Variants in HS3ST2 observed in about 807,000 individuals in gnomAD.
HS3ST2 encodes heparan sulfate-glucosamine 3-sulfotransferase 2.
A neutral mutation model predicts 26.3 loss-of-function variants in HS3ST2; 17 were observed. That is an observed-to-expected ratio of 0.65 (90% CI 0.44 to 0.97). HS3ST2 has a LOEUF of 0.97. HS3ST2 is among the 50% of genes least tolerant of loss of function. The pLI, the probability that HS3ST2 is intolerant of heterozygous loss-of-function variation, is 0.00. For synonymous variants in HS3ST2, 237 were observed against 219.2 expected (o/e 1.08, Z -0.72); for missense variants, 402 against 501.2 (o/e 0.80, Z 1.89).
chr16:22,913,184 G>GAGGGAGGGAGGGAGGGAGGGAGGA (rs1567503054), intron 1 of HS3ST2, among the ~76,000 whole-genome samples: 1 of 113,550 alleles, frequency 8.8e-6, no homozygotes, highest in African/African-American at 3.5e-5. Context: ...GGGAGGGAGG[G>GAGGGAGGGAGGGAGGGAGGGAGGA]CGGAAGGAAG....
rs910163156 is a variant in HS3ST2, at chr16:22,821,000, C to T, written c.485+5905C>T. Among the ~76,000 whole-genome samples, 5 of 152,198 alleles carry T rather than the reference C, an allele frequency of 3.3e-5. No homozygotes were observed. The South Asian group carries it at 8.3e-4, about 25-fold the overall frequency. Reference sequence around the variant, plus strand: ...GGGAGACCTGGCTTCCCCAGCCTAACCTGGACTCTCTGGACCTTCCAAAGA... The same window carrying T: ...GGGAGACCTGGCTTCCCCAGCCTAATCTGGACTCTCTGGACCTTCCAAAGA... On this transcript the variant is annotated intron_variant, in intron 1 of 1. Coordinates refer to ENST00000261374, the MANE Select transcript of HS3ST2 (RefSeq NM_006043.2).
intron 1 of HS3ST2, among the ~76,000 whole-genome samples, chr16:22,896,745 A>C (rs1902216277): frequency 6.6e-6 from 1 of 151,916 alleles, no homozygotes; most frequent in South Asian, 2.1e-4. Flanking sequence ...CTGTGTTTTC[A>C]TGTCATCTTA....
rs1014016666 is a variant in HS3ST2, at chr16:22,843,156, A to G, written c.485+28061A>G. Reference sequence around the variant, plus strand: ...AAGAACTCTGTGACTAGATGTATGTATGTGTGTGTGTGTGTGTGTGAACAC... The same window carrying G: ...AAGAACTCTGTGACTAGATGTATGTGTGTGTGTGTGTGTGTGTGTGAACAC... On this transcript the variant is annotated intron_variant, in intron 1 of 1. Coordinates refer to ENST00000261374, the MANE Select transcript of HS3ST2 (RefSeq NM_006043.2). Among the ~76,000 whole-genome samples, 760 of 150,124 alleles carry G rather than the reference A, an allele frequency of 5.1e-3. 13 individuals carry two copies. Among genetic ancestry groups the G allele is most frequent in the African/African-American group, 0.018 (720 of 40,960 alleles).
intron 1 of HS3ST2, 122 bp downstream of exon 1, chr16:22,815,217 C>A: frequency 1.5e-6 from 2 of 1,299,528 alleles, no homozygotes. Context: ...CAGGCTGACA[C>A]ACAGGGCCAT....
At chr16:22,880,452 TG>T (rs1281816844) in intron 1 of HS3ST2, among the ~76,000 whole-genome samples, 1 of 152,084 alleles carries the variant, frequency 6.6e-6, no homozygotes, top group Non-Finnish European at 1.5e-5. Flanking sequence ...AATTAAAAAC[TG>T]GGGGAAAAAA....
intron 1 of HS3ST2, among the ~76,000 whole-genome samples, chr16:22,866,489 G>C (rs186780449): frequency 6.6e-6 from 1 of 152,030 alleles, no homozygotes; most frequent in Non-Finnish European, 1.5e-5. Context: ...TTGTATGAAG[G>C]CTGGGCACAG....
chr16:22,843,647 T>G (rs208942), intron 1 of HS3ST2, among the ~76,000 whole-genome samples: 58,636 of 152,028 alleles, frequency 0.39, 12,113 homozygotes, highest in African/African-American at 0.54. Flanking sequence ...AGCTCTGTCT[T>G]CATGGAGGCG....
chr16:22,848,091 G>A (rs1901469296), intron 1 of HS3ST2, among the ~76,000 whole-genome samples: 1 of 152,000 alleles, frequency 6.6e-6, no homozygotes, highest in Admixed American at 6.6e-5. Context: ...CCTTCAACTG[G>A]CTGGTAAGCC....
At chr16:22,873,997 C>T (rs752323654) in intron 1 of HS3ST2, among the ~76,000 whole-genome samples, 3 of 152,188 alleles carry the variant, frequency 2.0e-5, no homozygotes, top group Non-Finnish European at 4.4e-5. Flanking sequence ...GGAGGGCAAG[C>T]GTCAGTGCAC....
At chr16:22,882,699 C>T (rs1304994141) in intron 1 of HS3ST2, among the ~76,000 whole-genome samples, 2 of 151,432 alleles carry the variant, frequency 1.3e-5, no homozygotes, top group African/African-American at 4.9e-5. Context: ...CCACTGCACT[C>T]CAGACTGGGT....
chr16:22,877,028 G>A, intron 1 of HS3ST2, among the ~76,000 whole-genome samples: 1 of 152,170 alleles, frequency 6.6e-6, no homozygotes, highest in East Asian at 1.9e-4. Flanking sequence ...TGGGTACAGT[G>A]TACACTGCTT....
intron 1 of HS3ST2, among the ~76,000 whole-genome samples, chr16:22,845,658 A>G (rs1488956642): frequency 6.6e-6 from 1 of 152,028 alleles, no homozygotes; most frequent in Non-Finnish European, 1.5e-5. Flanking sequence ...CCTATTTTTG[A>G]TATTTTATCA....
At chr16:22,911,348 G>C (rs888570527) in intron 1 of HS3ST2, among the ~76,000 whole-genome samples, 2 of 152,194 alleles carry the variant, frequency 1.3e-5, no homozygotes, top group African/African-American at 4.8e-5. Context: ...GTGAAATCAA[G>C]AGAATCCCAG....
intron 1 of HS3ST2, among the ~76,000 whole-genome samples, chr16:22,832,187 G>A (rs773636524): frequency 8.3e-5 from 11 of 132,642 alleles, no homozygotes; most frequent in Non-Finnish European, 1.9e-4. Flanking sequence ...AGTGGAGATA[G>A]GGTCTTTCTG....
chr16:22,843,662 G>T (rs949659255), intron 1 of HS3ST2, among the ~76,000 whole-genome samples: 1 of 152,152 alleles, frequency 6.6e-6, no homozygotes, highest in Non-Finnish European at 1.5e-5. Context: ...GAGGCGGGGT[G>T]CATCACCCCC....
chr16:22,915,949 G>A lies in HS3ST2; in HGVS notation c.*387G>A. ...GGTCCCTGTCATTGTCCACCCAGGA[G>A]TGGCCTTGTTAATTCCAAGTGGCAT... On this transcript the variant is annotated 3_prime_UTR_variant, in exon 2 of 2. Transcript: ENST00000261374. The A allele has an allele frequency of 5.2e-6, 1 of 191,756 alleles. No individual in the cohort carries two copies. The highest frequency in any genetic ancestry group is 1.2e-4 in the South Asian group (1 of 8,236). The allele number at this position is 191,756 out of a possible 1,614,324, so 11.9% of individuals were successfully genotyped here.
chr16:22,887,835 G>T (rs549122377), intron 1 of HS3ST2, among the ~76,000 whole-genome samples: 7 of 151,356 alleles, frequency 4.6e-5, no homozygotes, highest in African/African-American at 1.7e-4. Context: ...TACAGTCCCA[G>T]CTACTCGGGA....
intron 1 of HS3ST2, among the ~76,000 whole-genome samples, chr16:22,884,282 G>A (rs1902030644): frequency 6.6e-6 from 1 of 152,040 alleles, no homozygotes; most frequent in Non-Finnish European, 1.5e-5. Flanking sequence ...TACTGTCTCT[G>A]TTTTATAGAT....
intron 1 of HS3ST2, among the ~76,000 whole-genome samples, chr16:22,869,691 C>T (rs2283533): frequency 0.098 from 14,876 of 152,184 alleles, 1,331 homozygotes; most frequent in East Asian, 0.42. Flanking sequence ...AGGAAAGACC[C>T]GCCGCCATAA....
Sources: allele counts gnomAD v4.1 joint callset (sites outside exome capture counted in the v4.1 genomes callset), GRCh38; gene constraint gnomAD v4.1.1; transcripts MANE v1.5; gene names NCBI Gene and HGNC (gene_info 2026-07-23, HGNC 2026-07-21).